ERBB4: variants seen among roughly 807,000 people sequenced by gnomAD.
ERBB4 encodes the protein receptor tyrosine-protein kinase erbB-4.
Under a neutral mutation model 158.0 loss-of-function variants are expected in ERBB4, and 42 were observed. The observed-to-expected ratio is 0.27, with a 90% CI of 0.21 to 0.34. The LOEUF (loss-of-function observed/expected upper bound fraction) is 0.34. Among genes scored for constraint, ERBB4 ranks in the 10% least tolerant of loss-of-function variants. The probability of loss-of-function intolerance (pLI) is 1.00; values close to 1 mark genes in which losing one functional copy is unlikely to be tolerated. For synonymous variants in ERBB4, 583 were observed against 558.7 expected (o/e 1.04, Z -0.61); for missense variants, 1,333 against 1,624.1 (o/e 0.82, Z 3.08).
intron 1 of ERBB4, among the ~76,000 whole-genome samples, chr2:212,424,846 A>C (rs181823171): frequency 3.3e-5 from 5 of 152,210 alleles, no homozygotes; most frequent in African/African-American, 1.2e-4. Context: ...AAAGCCTTTT[A>C]CTTATCTTCA....
intron 20 of ERBB4, among the ~76,000 whole-genome samples, chr2:211,469,798 T>C (rs1466671037): frequency 1.3e-5 from 2 of 152,176 alleles, no homozygotes; most frequent in Non-Finnish European, 2.9e-5. Flanking sequence ...AGGAGTATAA[T>C]TGCATATCTA....
At chr2:211,645,907 A>G (rs1345540181) in intron 16 of ERBB4, among the ~76,000 whole-genome samples, 4 of 151,776 alleles carry the variant, frequency 2.6e-5, no homozygotes, top group African/African-American at 9.6e-5. Context: ...AGCTAAACAT[A>G]CTTTTTTAAT....
At chr2:211,395,476 T>C (rs141668097) in intron 25 of ERBB4, among the ~76,000 whole-genome samples, 2 of 152,100 alleles carry the variant, frequency 1.3e-5, no homozygotes, top group East Asian at 3.9e-4. Context: ...CCTTTAGAGG[T>C]TGCATTTTTT....
At chr2:211,609,936 A>G (rs2069129948) in intron 19 of ERBB4, among the ~76,000 whole-genome samples, 1 of 152,182 alleles carries the variant, frequency 6.6e-6, no homozygotes. Context: ...TGATAACAAC[A>G]GTGGTGTTAA....
chr2:211,567,745 T>C (rs1234335367), intron 19 of ERBB4, among the ~76,000 whole-genome samples: 1 of 151,426 alleles, frequency 6.6e-6, no homozygotes, highest in East Asian at 1.9e-4. Flanking sequence ...GTTCTCTTTT[T>C]CTGAAGAAAG....
At chr2:212,003,191 A>AAGAAAGAAAG (rs1559293349) in intron 2 of ERBB4, among the ~76,000 whole-genome samples, 68 of 74,140 alleles carry the variant, frequency 9.2e-4, no homozygotes, top group Non-Finnish European at 1.7e-3. Context: ...GAAAGAAAGA[A>AAGAAAGAAAG]AGAAAGAAAG....
At chr2:211,460,531 A>C (rs1448640392) in intron 20 of ERBB4, among the ~76,000 whole-genome samples, 2 of 152,210 alleles carry the variant, frequency 1.3e-5, no homozygotes, top group African/African-American at 4.8e-5. Context: ...TCACTGTTTT[A>C]AAACCAGGTT....
At chr2:212,272,481 G>T (rs1277688004) in intron 1 of ERBB4, among the ~76,000 whole-genome samples, 14 of 151,852 alleles carry the variant, frequency 9.2e-5, no homozygotes, top group African/African-American at 3.4e-4. Flanking sequence ...AGAGAAGGGG[G>T]TTCCCCATGC....
chr2:212,018,181 T>C (rs1343285093), intron 2 of ERBB4, among the ~76,000 whole-genome samples: 2 of 152,072 alleles, frequency 1.3e-5, no homozygotes, highest in South Asian at 4.1e-4. Context: ...TATAAGTATA[T>C]TGGGAAAGGA....
chr2:211,599,325 C>G (rs1037066797), intron 19 of ERBB4, among the ~76,000 whole-genome samples: 16 of 152,110 alleles, frequency 1.1e-4, no homozygotes, highest in African/African-American at 3.9e-4. Context: ...TAGCTTTCAT[C>G]AGATTTTTCA....
rs1689518521 is a variant in ERBB4, at chr2:212,478,468, T to C, written c.82+59981A>G. On this transcript the variant is annotated intron_variant, in intron 1 of 27. Coordinates refer to ENST00000342788, the MANE Select transcript of ERBB4 (RefSeq NM_005235.3). Reference sequence around the variant, plus strand: ...AGCACAAGCAAAAGTTATGAATAAATATAAAATATAAGTGAGCGAGAGTAT... The same window carrying C: ...AGCACAAGCAAAAGTTATGAATAAACATAAAATATAAGTGAGCGAGAGTAT... 1.3e-5 allele frequency among the ~76,000 whole-genome samples: 2 copies of C among 151,000 alleles called. 1 individual carries two copies. The highest frequency in any genetic ancestry group is 4.2e-4 in the South Asian group (2 of 4,818).
chr2:211,828,201 G>C lies in ERBB4; in HGVS notation c.422-40042C>G, dbSNP rs150460681. ...ATGTTCAGTTGGATGGGAAATCAGT[G>C]TTCTATCAGTATTTCCTCAATATCA... On this transcript the variant is annotated intron_variant, in intron 3 of 27. Coordinates refer to ENST00000342788, the MANE Select transcript of ERBB4 (RefSeq NM_005235.3). Among the ~76,000 whole-genome samples the C allele has an allele frequency of 6.0e-4, 92 of 152,240 alleles. 2 individuals are homozygous for C. The South Asian group carries it at 0.018, about 30-fold the overall frequency.
At chr2:212,471,751 T>C (rs1459174609) in intron 1 of ERBB4, among the ~76,000 whole-genome samples, 5 of 151,972 alleles carry the variant, frequency 3.3e-5, no homozygotes, top group African/African-American at 7.2e-5. Flanking sequence ...ATTTTGCATA[T>C]GTAAATTATT....
At chr2:211,410,790 G>C (rs545170199) in intron 25 of ERBB4, among the ~76,000 whole-genome samples, 1 of 152,278 alleles carries the variant, frequency 6.6e-6, no homozygotes, top group Admixed American at 6.5e-5. Context: ...ACTATAGAAG[G>C]CTTGACATTA....
chr2:212,091,675 T>C (rs768312727), intron 2 of ERBB4, among the ~76,000 whole-genome samples: 1 of 152,170 alleles, frequency 6.6e-6, no homozygotes, highest in Non-Finnish European at 1.5e-5. Flanking sequence ...CCAATCTATT[T>C]GTATATGTAT....
intron 4 of ERBB4, among the ~76,000 whole-genome samples, chr2:211,776,192 C>CTGGAGTTTTTTACAACTTAGA (rs1244151783): frequency 1.6e-4 from 25 of 152,134 alleles, no homozygotes; most frequent in African/African-American, 6.0e-4. Context: ...TTGATTTCAG[C>CTGGAGTTTTTTACAACTTAGA]TGGAGTTTTT....
chr2:211,848,184 A>G (rs2077634383), intron 3 of ERBB4, among the ~76,000 whole-genome samples: 1 of 152,132 alleles, frequency 6.6e-6, no homozygotes, highest in Non-Finnish European at 1.5e-5. Flanking sequence ...TGGCTCAACA[A>G]GTAGAATATT....
At chr2:211,498,203 A>G (rs2065522132) in intron 20 of ERBB4, among the ~76,000 whole-genome samples, 1 of 152,096 alleles carries the variant, frequency 6.6e-6, no homozygotes, top group Non-Finnish European at 1.5e-5. Flanking sequence ...CTTTCAACCT[A>G]GGAACTTCTA....
chr2:211,431,071 G>A lies in ERBB4; in HGVS notation c.2517C>T (p.Leu839=), dbSNP rs781292831. Residue 839 remains leucine, a synonymous_variant, in exon 21 of 28, where the codon CTC becomes CTT. Transcript: ENST00000342788. The part of the protein sequence containing the change: ...KGMMYLEERR[L]VHRDLAARNV... ...TACGGGCTGCCAAATCCCGATGAAC[G>A]AGTCGTCTTTCTTCCAGGTACATCA... 1.9e-5 allele frequency: 31 copies of A among 1,613,668 alleles called. No individual in the cohort carries two copies. The South Asian group carries it at 2.5e-4, about 13-fold the overall frequency.
Sources: gnomAD v4.1 joint callset for allele counts (sites outside exome capture counted in the v4.1 genomes callset) on GRCh38, gnomAD v4.1.1 for gene constraint, MANE v1.5 for transcripts, NCBI Gene and HGNC (gene_info 2026-07-23, HGNC 2026-07-21) for gene names.